DACT3: variants seen among roughly 807,000 people sequenced by gnomAD.
The protein encoded by DACT3 is dishevelled binding antagonist of beta catenin 3.
A neutral mutation model predicts 19.6 loss-of-function variants in DACT3; 5 were observed. That is an observed-to-expected ratio of 0.26 (90% CI 0.13 to 0.54). DACT3 has a LOEUF of 0.54. DACT3 is among the 20% of genes least tolerant of loss of function. The pLI is 0.95. For synonymous variants in DACT3, 454 were observed against 428.1 expected, an observed-to-expected ratio of 1.06 and a Z score of -0.75; for missense variants, 908 against 927.4, an observed-to-expected ratio of 0.98 and a Z score of 0.27.
chr19:46,655,701 G>C (rs1386925260), intron 1 of DACT3, among the ~76,000 whole-genome samples: 2 of 152,244 alleles, frequency 1.3e-5, no homozygotes, highest in South Asian at 2.1e-4. Context: ...GGAACGCGGA[G>C]ATTTGTCTGT....
At chr19:46,654,809 C>T (rs2053020184) in intron 1 of DACT3, 1 of 985,328 alleles carries the variant, frequency 1.0e-6, no homozygotes, top group Middle Eastern at 5.2e-4. Flanking sequence ...GGCCGGCTCC[C>T]CGGCAGCCAC....
In DACT3 at chr19:46,653,013, A is replaced by G; in HGVS notation, c.312T>C (p.Ser104=). ...GQQLGDLSLE[S]GGLEQESGRS... ...GCCCGCTCTCCTGTTCCAGGCCCCC[A>G]GACTCCAGGCTCAGGTCTCCCAGCT... is the stretch of plus-strand genomic sequence containing the variant. Residue 104 remains serine, a synonymous_variant, in exon 2 of 4, where the codon TCT becomes TCC. Transcript: ENST00000391916. The G allele has an allele frequency of 1.9e-6, 3 of 1,551,510 alleles. No individual in the cohort carries two copies. The highest frequency in any genetic ancestry group is 2.6e-6 in the Non-Finnish European group (3 of 1,146,988).
At chr19:46,655,144 C>T (rs753003044) in intron 1 of DACT3, 6 of 728,992 alleles carry the variant, frequency 8.2e-6, no homozygotes, top group Non-Finnish European at 1.0e-5. Context: ...TCGAACATAC[C>T]ATGTATGCGC....
At position 46,649,652 on chromosome 19, in the gene DACT3, G is replaced by T; in HGVS notation, c.720C>A (p.Pro240=). 1 of 1,157,818 alleles carries T rather than the reference G, an allele frequency of 8.6e-7. No homozygotes were observed. The highest frequency in any genetic ancestry group is 1.1e-6 in the Non-Finnish European group (1 of 942,074). 71.7% of individuals were successfully genotyped at this position (1,157,818 alleles called of 1,614,324 possible). The change falls in exon 4 of 4, where the codon CCC becomes CCA. Residue 240 remains proline (P), a synonymous_variant. Coordinates refer to ENST00000391916, the MANE Select transcript of DACT3 (RefSeq NM_145056.3). ...GGGGCCGCCCTGCGCCCCCCGCGTC[G>T]GGCGAGTCGGTGGGAGGGCGGCCGC... ...RPCGRPPTDS[P]DAGGAGRPLD...
intron 1 of DACT3, 111 bp from the exon 2 acceptor site, chr19:46,653,186 C>T: frequency 1.4e-6 from 2 of 1,459,712 alleles, no homozygotes; most frequent in Non-Finnish European, 1.8e-6. Flanking sequence ...GAGGCTCTCG[C>T]TTCAAAGGAT....
At position 46,648,560 on chromosome 19, in the gene DACT3, T is replaced by G; in HGVS notation, c.1812A>C (p.Lys604Asn). Residue 604 changes from lysine to asparagine, a missense_variant, in exon 4 of 4, where the codon AAA becomes AAC. By Grantham distance (94) the Lys-to-Asn change is moderately conservative. Around this residue, in one of 2 missense-constraint regions of DACT3, gnomAD observed 656 missense variants for 601.8 expected, o/e 1.09. Coordinates refer to ENST00000391916, the MANE Select transcript of DACT3 (RefSeq NM_145056.3). The surrounding 1 kb of genome is among the most constrained non-coding windows in gnomAD (Gnocchi z 5.1). ...APAGPAKVFVKIKASHALKKK... is the reference protein window; with the variant it reads ...APAGPAKVFVNIKASHALKKK... ...TCTTGAGCGCGTGGGAAGCTTTGAT[T>G]TTCACGAAGACTTTGGCGGGGCCTG... is the stretch of plus-strand genomic sequence containing the variant. 6.2e-7 allele frequency: 1 copy of G among 1,613,880 alleles called. No individual in the cohort carries two copies. Among genetic ancestry groups the G allele is most frequent in the Non-Finnish European group, 8.5e-7 (1 of 1,179,830 alleles).
intron 1 of DACT3, chr19:46,659,244 G>A (rs908809031): frequency 2.2e-5 from 22 of 985,208 alleles, no homozygotes; most frequent in African/African-American, 5.2e-5. Flanking sequence ...ACTGGGGGGT[G>A]GGGGGACAGG....
rs1466486443 is a variant in DACT3, at chr19:46,649,499, G to A, written c.873C>T (p.Asp291=). ...RQNSVRQRPP[D]ASPSPGSARP... is the part of the protein sequence containing the mutation. Reference sequence around the variant, plus strand: ...GCGCGCTGCCGGGGGACGGAGACGCGTCGGGCGGCCGCTGGCGCACGCTGT... The same window carrying A: ...GCGCGCTGCCGGGGGACGGAGACGCATCGGGCGGCCGCTGGCGCACGCTGT... The change falls in exon 4 of 4, where the codon GAC becomes GAT. Residue 291 remains aspartate (D), a synonymous_variant. Coordinates refer to ENST00000391916, the MANE Select transcript of DACT3 (RefSeq NM_145056.3). 2 of 1,111,946 alleles carry A rather than the reference G, an allele frequency of 1.8e-6. No homozygotes were observed. Among genetic ancestry groups the A allele is most frequent in the Non-Finnish European group, 2.2e-6 (2 of 913,484 alleles). The allele number at this position is 1,111,946 out of a possible 1,614,324, so 68.9% of individuals were successfully genotyped here. A position where few individuals can be genotyped will look rare whatever the true frequency, so the allele number is the denominator to read the frequency against.
chr19:46,650,235 C>G (rs1333486814), intron 3 of DACT3: 1 of 150,234 alleles, frequency 6.7e-6, no homozygotes, highest in African/African-American at 2.5e-5. Flanking sequence ...GGGTTCATGC[C>G]ATTCTCCTCC....
chr19:46,654,689 G>C (rs1345025209), intron 1 of DACT3: 5 of 985,396 alleles, frequency 5.1e-6, no homozygotes, highest in Non-Finnish European at 6.0e-6. Context: ...TCGGGCTGAC[G>C]GTTGACCCTC....
At chr19:46,653,539 T>TTA (rs1555822615) in intron 1 of DACT3, among the ~76,000 whole-genome samples, 1 of 141,152 alleles carries the variant, frequency 7.1e-6, no homozygotes, top group African/African-American at 2.7e-5. Context: ...CTTTTTTTAT[T>TTA]TTTATTTATT....
intron 1 of DACT3, chr19:46,659,134 CCAGCA>C: frequency 1.0e-6 from 1 of 985,154 alleles, no homozygotes; most frequent in African/African-American, 1.7e-5. Context: ...CCAGGAACCC[CCAGCA>C]CTAGAGAAGT....
chr19:46,648,668 G>T lies in DACT3; in HGVS notation c.1704C>A (p.Asp568Glu). 1 of 1,612,200 alleles carries T rather than the reference G, an allele frequency of 6.2e-7. No homozygotes were observed. Among genetic ancestry groups the T allele is most frequent in the Non-Finnish European group, 8.5e-7 (1 of 1,179,416 alleles). The change falls in exon 4 of 4, where the codon GAC becomes GAA. Residue 568 changes from aspartate to glutamate, a missense_variant. Asp to Glu is a conservative substitution (Grantham distance 45). This residue lies in a region of DACT3 where 656 missense variants were observed against 601.8 expected (regional missense o/e 1.09). Coordinates refer to ENST00000391916, the MANE Select transcript of DACT3 (RefSeq NM_145056.3). This position sits in a 1 kb window ranked among gnomAD's most constrained non-coding sequence, Gnocchi z 5.1. ...GCGGCCACACGAGGCCACCGCTGCC[G>T]TCTGAGTCGCTGGAGGCAGAGCTGA... is the stretch of plus-strand genomic sequence containing the variant. The part of the protein sequence containing the change: ...PAFSSASSDS[D>E]GSGGLVWPQQ...
Position 46,652,779 on chromosome 19 carries a change from G to A in DACT3, c.380C>T (p.Pro127Leu). The change falls in exon 3 of 4, where the codon CCA becomes CTA. Residue 127 changes from proline (P) to leucine (L), a missense_variant. Pro to Leu is a moderately conservative substitution (Grantham distance 98). Coordinates refer to ENST00000391916, the MANE Select transcript of DACT3 (RefSeq NM_145056.3). The part of the protein sequence containing the change: ...FYEDPSSTGG[P>L]DSPPSTFCGD... Reference sequence around the variant, plus strand: ...ACAGAAGGTTGAGGGTGGTGAATCTGGACCTCCTGTAGAGCTGGGATCTTC... The same window carrying A: ...ACAGAAGGTTGAGGGTGGTGAATCTAGACCTCCTGTAGAGCTGGGATCTTC... 6.4e-7 allele frequency: 1 copy of A among 1,551,608 alleles called. No individual in the cohort carries two copies. Among genetic ancestry groups the A allele is most frequent in the African/African-American group, 1.4e-5 (1 of 73,160 alleles).
rs539395077 is a variant in DACT3 at position 46,656,375 on chromosome 19, G to T, written c.250-3300C>A. On this transcript the variant is annotated intron_variant, in intron 1 of 3. Transcript: ENST00000391916. ...TTTTTTATTTTATTTTTGAGACAAGGTCTCACTGTCTCACCAGGCTGGACT... is the reference window on the plus strand; with the variant it reads ...TTTTTTATTTTATTTTTGAGACAAGTTCTCACTGTCTCACCAGGCTGGACT... Among the ~76,000 whole-genome samples, 10 of 151,914 alleles carry T rather than the reference G, an allele frequency of 6.6e-5. 1 individual carries two copies. In the South Asian group the frequency reaches 1.0e-3, roughly 16 times the overall value.
chr19:46,654,939 C>A (rs2053021902), intron 1 of DACT3: 1 of 985,290 alleles, frequency 1.0e-6, no homozygotes, highest in African/African-American at 1.7e-5. Flanking sequence ...ACTCTGGGCT[C>A]CTGCCCTGGG....
intron 3 of DACT3, 39 bp from the exon 4 acceptor site, chr19:46,649,911 G>T: frequency 7.5e-7 from 1 of 1,328,120 alleles, no homozygotes; most frequent in Non-Finnish European, 9.6e-7. Flanking sequence ...AAAAGAGAGA[G>T]TGGAGGGGCT....
At chr19:46,651,104 A>G (rs576959936) in intron 3 of DACT3, 5 of 129,868 alleles carry the variant, frequency 3.9e-5, no homozygotes, top group African/African-American at 1.5e-4. Flanking sequence ...TATTTTTTAG[A>G]CGAAGTCTCG....
At chr19:46,654,206 G>T (rs2053014097) in intron 1 of DACT3, 1 of 985,258 alleles carries the variant, frequency 1.0e-6, no homozygotes. Context: ...GGGGAGTCAG[G>T]CCGGGCGCAG....
Sources: allele counts gnomAD v4.1 joint callset (sites outside exome capture counted in the v4.1 genomes callset), GRCh38; gene constraint gnomAD v4.1.1; regional missense constraint gnomAD v4.1.1; non-coding constraint Gnocchi (gnomAD v3.1); transcripts MANE v1.5; gene names NCBI Gene and HGNC (gene_info 2026-07-23, HGNC 2026-07-21).